Variants in FHOD3 observed in about 807,000 individuals in gnomAD.
FHOD3 encodes formin homology 2 domain containing 3.
Under a neutral mutation model 173.0 loss-of-function variants are expected in FHOD3, and 90 were observed. The ratio of observed to expected loss-of-function variants is 0.52; its 90% CI spans 0.44 to 0.62. The LOEUF (loss-of-function observed/expected upper bound fraction) is 0.62, where lower values mean the gene tolerates loss of function less well. Among genes scored for constraint, FHOD3 ranks in the 20% least tolerant of loss-of-function variants. FHOD3 has a pLI of 0.00. For synonymous variants in FHOD3, 828 were observed against 823.0 expected (o/e 1.01, Z -0.10); for missense variants, 1,945 against 2,034.7 (o/e 0.96, Z 0.85).
intron 10 of FHOD3, among the ~76,000 whole-genome samples, chr18:36,630,998 T>C (rs577522777): frequency 2.6e-5 from 4 of 152,294 alleles, no homozygotes; most frequent in African/African-American, 9.6e-5. Context: ...ACTTGACCCT[T>C]GAGCAGCAGA....
chr18:36,568,566 G>A (rs952068499), intron 5 of FHOD3, among the ~76,000 whole-genome samples: 1 of 150,382 alleles, frequency 6.6e-6, no homozygotes, highest in African/African-American at 2.5e-5. Context: ...AACTGAACAA[G>A]ATAGATACTG....
intron 8 of FHOD3, among the ~76,000 whole-genome samples, chr18:36,604,120 C>G (rs2031776251): frequency 6.6e-6 from 1 of 152,168 alleles, no homozygotes; most frequent in Non-Finnish European, 1.5e-5. Flanking sequence ...CCAGAACAGG[C>G]CCAGTCTCAG....
At chr18:36,716,184 C>G (rs1472447690) in intron 18 of FHOD3, among the ~76,000 whole-genome samples, 3 of 152,136 alleles carry the variant, frequency 2.0e-5, no homozygotes, top group Non-Finnish European at 2.9e-5. Context: ...AACTGGCTGT[C>G]AAGGGACATG....
At chr18:36,309,481 G>A (rs899406378) in intron 1 of FHOD3, among the ~76,000 whole-genome samples, 5 of 152,224 alleles carry the variant, frequency 3.3e-5, no homozygotes, top group African/African-American at 1.2e-4. Context: ...TTTATTTCAG[G>A]TGATGGTGCT....
chr18:36,336,634 C>T lies in FHOD3; in HGVS notation c.166-18905C>T, dbSNP rs561135857. On this transcript the variant is annotated intron_variant, in intron 1 of 28. Coordinates refer to ENST00000590592, the MANE Select transcript of FHOD3 (RefSeq NM_001281740.3). ...GGCAGATCACCTGAGATCAGGAGTTCGAGGCCAGCCTGGCCAACATGGTGA... is the reference window on the plus strand; with the variant it reads ...GGCAGATCACCTGAGATCAGGAGTTTGAGGCCAGCCTGGCCAACATGGTGA... 4.7e-5 allele frequency among the ~76,000 whole-genome samples: 7 copies of T among 149,434 alleles called. No individual in the cohort carries two copies. The East Asian group carries it at 1.2e-3, about 26-fold the overall frequency.
intron 18 of FHOD3, among the ~76,000 whole-genome samples, chr18:36,716,353 G>C (rs1255636385): frequency 1.3e-5 from 2 of 152,216 alleles, no homozygotes; most frequent in African/African-American, 4.8e-5. Context: ...AGCAACACTG[G>C]ATGTGGAGGA....
At chr18:36,386,927 A>G (rs1274472932) in intron 3 of FHOD3, among the ~76,000 whole-genome samples, 1 of 152,208 alleles carries the variant, frequency 6.6e-6, no homozygotes, top group Non-Finnish European at 1.5e-5. Context: ...CCTTGTGGGT[A>G]GAACTTCTGA....
At chr18:36,505,270 C>T (rs765471031) in intron 4 of FHOD3, among the ~76,000 whole-genome samples, 4 of 152,216 alleles carry the variant, frequency 2.6e-5, no homozygotes, top group Non-Finnish European at 4.4e-5. Context: ...ATACCTATAG[C>T]ACAGAATGAA....
intron 7 of FHOD3, 90 bp downstream of exon 7, chr18:36,594,988 G>A: frequency 1.3e-6 from 1 of 790,096 alleles, no homozygotes. Context: ...ACAGATATAA[G>A]AATTAATAGA....
At chr18:36,699,222 T>A (rs2039448373) in intron 17 of FHOD3, among the ~76,000 whole-genome samples, 1 of 152,250 alleles carries the variant, frequency 6.6e-6, no homozygotes, top group Non-Finnish European at 1.5e-5. Flanking sequence ...ACTATGAAAT[T>A]TGTATCCTAA....
chr18:36,634,283 C>G lies in FHOD3; in HGVS notation c.1196+8534C>G, dbSNP rs967352849. The stretch of plus-strand genomic sequence containing the variant: ...AAGAGTTTTGGCATCTTTCCACCAG[C>G]CACAGGAAGCAGTGGGCAAATCGGG... On this transcript the variant is annotated intron_variant, in intron 10 of 28. Coordinates refer to ENST00000590592, the MANE Select transcript of FHOD3 (RefSeq NM_001281740.3). Among the ~76,000 whole-genome samples, 8 of 152,074 alleles carry G rather than the reference C, an allele frequency of 5.3e-5. No individual in the cohort carries two copies. The East Asian group carries it at 1.5e-3, about 29-fold the overall frequency.
intron 3 of FHOD3, among the ~76,000 whole-genome samples, chr18:36,430,147 T>C (rs535141551): frequency 2.0e-5 from 3 of 152,248 alleles, no homozygotes; most frequent in Admixed American, 2.0e-4. Context: ...TTGGTGTTAA[T>C]GATCTAAATT....
chr18:36,572,983 A>G (rs1157974634), intron 5 of FHOD3, among the ~76,000 whole-genome samples: 1 of 152,046 alleles, frequency 6.6e-6, no homozygotes, highest in Non-Finnish European at 1.5e-5. Flanking sequence ...AAGAAATGGG[A>G]AAAAATAGGG....
chr18:36,398,550 A>C (rs2048659385), intron 3 of FHOD3, among the ~76,000 whole-genome samples: 1 of 152,122 alleles, frequency 6.6e-6, no homozygotes, highest in Non-Finnish European at 1.5e-5. Context: ...TCAGAGCCTG[A>C]GGGGAGTGGA....
chr18:36,339,701 T>A (rs1195476995), intron 1 of FHOD3, among the ~76,000 whole-genome samples: 1 of 152,156 alleles, frequency 6.6e-6, no homozygotes, highest in Non-Finnish European at 1.5e-5. Context: ...GTTCTTCATG[T>A]GCAGAGTGGT....
chr18:36,434,256 T>A (rs2050699801), intron 3 of FHOD3, among the ~76,000 whole-genome samples: 1 of 152,264 alleles, frequency 6.6e-6, no homozygotes, highest in Non-Finnish European at 1.5e-5. Flanking sequence ...TTAATTTTTA[T>A]GGATGAGGTA....
chr18:36,663,409 C>T (rs781378265), intron 14 of FHOD3, among the ~76,000 whole-genome samples: 4 of 152,244 alleles, frequency 2.6e-5, no homozygotes, highest in African/African-American at 9.6e-5. Flanking sequence ...GCTGACCTCT[C>T]AGGAGCTCTC....
At chr18:36,737,472 G>A (rs777341066) in intron 20 of FHOD3, among the ~76,000 whole-genome samples, 117 of 152,312 alleles carry the variant, frequency 7.7e-4, no homozygotes, top group South Asian at 6.2e-4. Context: ...CCATCTGCAT[G>A]AACAGGTGGG....
intron 3 of FHOD3, among the ~76,000 whole-genome samples, chr18:36,446,129 G>T (rs2051456891): frequency 6.6e-6 from 1 of 152,204 alleles, no homozygotes; most frequent in Admixed American, 6.5e-5. Context: ...TAATTGTGCT[G>T]TGAATACAGG....
Sources: allele counts gnomAD v4.1 joint callset (sites outside exome capture counted in the v4.1 genomes callset), GRCh38; gene constraint gnomAD v4.1.1; transcripts MANE v1.5; gene names NCBI Gene and HGNC (gene_info 2026-07-23, HGNC 2026-07-21).